ZDHHC7: variants seen among roughly 807,000 people sequenced by gnomAD.
ZDHHC7 encodes palmitoyltransferase ZDHHC7.
Under a neutral mutation model 34.1 loss-of-function variants are expected in ZDHHC7, and 12 were observed. The observed-to-expected ratio is 0.35, with a 90% CI of 0.23 to 0.57. The LOEUF is 0.57. ZDHHC7 is among the 20% of genes least tolerant of loss of function. ZDHHC7 has a pLI of 0.84. For missense variants in ZDHHC7, 388 were observed against 402.7 expected, an observed-to-expected ratio of 0.96 and a Z score of 0.31; for synonymous variants, 185 against 155.4, an observed-to-expected ratio of 1.19 and a Z score of -1.42.
At chr16:85,018,534 A>C in the ZDHHC7 span, among the ~76,000 whole-genome samples, 2 of 151,522 alleles carry the variant, frequency 1.3e-5, no homozygotes, top group Non-Finnish European at 2.9e-5. Flanking sequence ...CGCAACCTCC[A>C]TCTCCCAGGT....
chr16:85,011,631 G>C (rs941824669), upstream of ZDHHC7: 7 of 152,380 alleles, frequency 4.6e-5, no homozygotes, highest in South Asian at 2.1e-4. Flanking sequence ...GGACCCGGAG[G>C]CTCTTACAAA....
chr16:85,025,402 G>A, the ZDHHC7 span, among the ~76,000 whole-genome samples: 1 of 143,524 alleles, frequency 7.0e-6, no homozygotes, highest in East Asian at 2.0e-4. Flanking sequence ...TTTTATGTCT[G>A]CCAACATATT....
chr16:84,985,683 G>A lies in ZDHHC7; in HGVS notation c.316-3689C>T, dbSNP rs1342116836. Among the ~76,000 whole-genome samples the A allele has an allele frequency of 5.3e-5, 8 of 152,170 alleles. No individual in the cohort carries two copies. The South Asian group carries it at 8.3e-4, about 16-fold the overall frequency. On this transcript the variant is annotated intron_variant, in intron 3 of 7. Coordinates refer to ENST00000313732, the MANE Select transcript of ZDHHC7 (RefSeq NM_017740.3). ...AAAAGAATTGAGACAGGCCAGGCAC[G>A]GTGACTCACACTTGTAATCCTAGAA...
intron 1 of ZDHHC7, among the ~76,000 whole-genome samples, chr16:85,000,116 G>A (rs1057240873): frequency 1.3e-5 from 2 of 151,932 alleles, no homozygotes; most frequent in African/African-American, 4.8e-5. Flanking sequence ...CTCCAGCCTG[G>A]GCAACAAGCA....
upstream of ZDHHC7, among the ~76,000 whole-genome samples, chr16:85,015,266 A>AT: frequency 6.6e-6 from 1 of 151,806 alleles, no homozygotes; most frequent in South Asian, 2.1e-4. Context: ...TGCCCAGCTA[A>AT]TTTTTTGTAT....
chr16:84,988,938 T>C (rs1270684990), intron 3 of ZDHHC7: 5 of 1,495,798 alleles, frequency 3.3e-6, no homozygotes, highest in East Asian at 4.9e-5. Flanking sequence ...GCCCTCTCCT[T>C]TGTCGAAGTG....
chr16:84,996,699 G>C (rs1419666228), intron 1 of ZDHHC7, among the ~76,000 whole-genome samples: 3 of 152,160 alleles, frequency 2.0e-5, no homozygotes, highest in African/African-American at 7.2e-5. Context: ...CACGGACACA[G>C]AGGTTCCAAG....
chr16:84,978,000 A>G lies in ZDHHC7; in HGVS notation c.543T>C (p.Tyr181=). Residue 181 remains tyrosine, a synonymous_variant, in exon 6 of 8, where the codon TAT becomes TAC. Transcript: ENST00000313732. The part of the protein sequence containing the change: ...NQRFFVLFTM[Y]IALSSVHALI... ...GAGCATGGACTGAAGACAGAGCTAT[A>G]TACATCTAGAATGAGGGGGAGATTG... 6.2e-7 allele frequency: 1 copy of G among 1,610,764 alleles called. No individual in the cohort carries two copies.
upstream of ZDHHC7, among the ~76,000 whole-genome samples, chr16:85,012,999 G>C (rs1302990590): frequency 1.3e-5 from 2 of 152,118 alleles, no homozygotes; most frequent in Non-Finnish European, 2.9e-5. Context: ...ATTAAGAAGC[G>C]ACAAATGCAG....
chr16:84,976,282 T>G lies in ZDHHC7; in HGVS notation c.*61A>C. On this transcript the variant is annotated 3_prime_UTR_variant, in exon 8 of 8. Coordinates refer to ENST00000313732, the MANE Select transcript of ZDHHC7 (RefSeq NM_017740.3). ...GGTCACAGATGAGCTGTTGATATCC[T>G]TCAGACCCCAAATAAATAACTGGAA... The G allele has an allele frequency of 6.2e-7, 1 of 1,601,444 alleles. No homozygotes were observed. Among genetic ancestry groups the G allele is most frequent in the East Asian group, 2.2e-5 (1 of 44,798 alleles).
chr16:85,002,888 G>C (rs533002695), intron 1 of ZDHHC7, among the ~76,000 whole-genome samples: 70 of 151,786 alleles, frequency 4.6e-4, no homozygotes, highest in Admixed American at 1.5e-3. Flanking sequence ...GGCCTATGGA[G>C]ACCGCAAAAT....
At chr16:85,009,319 T>C (rs996705331) in intron 1 of ZDHHC7, among the ~76,000 whole-genome samples, 2 of 152,094 alleles carry the variant, frequency 1.3e-5, no homozygotes, top group African/African-American at 4.8e-5. Context: ...TGAATCAAGA[T>C]TGTTCTTATA....
At chr16:85,016,259 T>A (rs949934831), upstream of ZDHHC7, among the ~76,000 whole-genome samples, 2 of 151,802 alleles carry the variant, frequency 1.3e-5, no homozygotes, top group Admixed American at 6.6e-5. Context: ...TGAGCTCACG[T>A]GATCCTTCCA....
upstream of ZDHHC7, among the ~76,000 whole-genome samples, chr16:85,016,518 C>T (rs2072834952): frequency 6.6e-6 from 1 of 151,636 alleles, no homozygotes; most frequent in Admixed American, 6.6e-5. Context: ...TGCAGTAGCC[C>T]TGTTATAACT....
At chr16:85,014,279 G>A (rs1056613832), upstream of ZDHHC7, among the ~76,000 whole-genome samples, 2 of 152,220 alleles carry the variant, frequency 1.3e-5, no homozygotes, top group Non-Finnish European at 1.5e-5. Flanking sequence ...TGTATGGAGT[G>A]TAGAAGTTTG....
Position 84,974,243 on chromosome 16 carries a change from A to G in ZDHHC7, c.*2100T>C, listed in dbSNP as rs1329819914. The G allele has an allele frequency of 6.6e-6, 1 of 152,252 alleles. No individual in the cohort carries two copies. The highest frequency in any genetic ancestry group is 1.5e-5 in the Non-Finnish European group (1 of 68,052). 9.4% of individuals were successfully genotyped at this position (152,252 alleles called of 1,614,324 possible). ...AAAAAGGACTAAGTAAAACGATGGG[A>G]GTCGAATTAAACATTCAACAAGCAA... is the stretch of plus-strand genomic sequence containing the variant. On this transcript the variant is annotated 3_prime_UTR_variant, in exon 8 of 8. Transcript: ENST00000313732.
chr16:84,980,533 G>C (rs1215242179), intron 4 of ZDHHC7, among the ~76,000 whole-genome samples: 1 of 151,982 alleles, frequency 6.6e-6, no homozygotes, highest in Non-Finnish European at 1.5e-5. Flanking sequence ...AGCCAGGCAT[G>C]GTGGCGGGCG....
At chr16:85,007,420 C>G (rs1292519677) in intron 1 of ZDHHC7, among the ~76,000 whole-genome samples, 4 of 106,594 alleles carry the variant, frequency 3.8e-5, no homozygotes, top group Non-Finnish European at 7.2e-5. Context: ...GATACTCCAT[C>G]TCAAAAAAAA....
intron 3 of ZDHHC7, among the ~76,000 whole-genome samples, chr16:84,985,952 C>CAAAAAAAAAAAAAAAAAA (rs58315276): frequency 1.9e-5 from 1 of 54,028 alleles, no homozygotes; most frequent in Non-Finnish European, 3.5e-5. Flanking sequence ...GAGACTGTCT[C>CAAAAAAAAAAAAAAAAAA]AAAAAAAAAA....
Sources: gnomAD v4.1 joint callset for allele counts (sites outside exome capture counted in the v4.1 genomes callset) on GRCh38, gnomAD v4.1.1 for gene constraint, MANE v1.5 for transcripts, NCBI Gene and HGNC (gene_info 2026-07-23, HGNC 2026-07-21) for gene names.